The following CNGB3 variants were observed in gnomAD, a reference collection of about 807,000 sequenced individuals.
The protein encoded by CNGB3 is cyclic nucleotide-gated channel beta-3.
In CNGB3, 86 loss-of-function variants were observed where a neutral mutation model predicts 92.8. The observed-to-expected ratio is 0.93, with a 90% CI of 0.78 to 1.11. The LOEUF is 1.11. CNGB3 is among the 50% of genes least tolerant of loss of function. The probability of loss-of-function intolerance (pLI) is 0.00; values close to 1 mark genes in which losing one functional copy is unlikely to be tolerated. For missense variants in CNGB3, 1,026 were observed against 956.8 expected (o/e 1.07, Z -0.95); for synonymous variants, 333 against 332.7 (o/e 1.00, Z -0.01).
chr8:86,652,905 C>T (rs1823434181), intron 7 of CNGB3, among the ~76,000 whole-genome samples: 2 of 152,030 alleles, frequency 1.3e-5, no homozygotes, highest in African/African-American at 4.8e-5. Context: ...TTGTTTATTG[C>T]CATTATCCCC....
intron 8 of CNGB3, among the ~76,000 whole-genome samples, chr8:86,644,910 T>C (rs1823268218): frequency 6.6e-6 from 1 of 151,148 alleles, no homozygotes; most frequent in South Asian, 2.1e-4. Flanking sequence ...TGCTACCCTG[T>C]AGTTATAGTC....
intron 6 of CNGB3, chr8:86,660,462 T>G (rs1823616346): frequency 3.9e-6 from 2 of 514,674 alleles, no homozygotes; most frequent in Admixed American, 4.0e-5. Context: ...AGCCCATTGG[T>G]CAATGAGAAA....
rs373429796 is a variant in CNGB3, at chr8:86,661,832, A to G, written c.852+5093T>C. On this transcript the variant is annotated intron_variant, in intron 6 of 17. Transcript: ENST00000320005. Reference sequence around the variant, plus strand: ...GCTGACGAAGGTAATTGTTGTTCTCAGTATCTTCTGGACGTTCCAGAACTG... The same window carrying G: ...GCTGACGAAGGTAATTGTTGTTCTCGGTATCTTCTGGACGTTCCAGAACTG... 1.1e-3 allele frequency: 1,669 copies of G among 1,480,848 alleles called. 8 individuals are homozygous for G. Among genetic ancestry groups the G allele is most frequent in the South Asian group, 5.6e-3 (493 of 87,392 alleles). 91.7% of individuals were successfully genotyped at this position (1,480,848 alleles called of 1,614,324 possible). A position where few individuals can be genotyped will look rare whatever the true frequency, so the allele number is the denominator to read the frequency against.
intron 15 of CNGB3, among the ~76,000 whole-genome samples, chr8:86,581,552 T>C (rs1032362151): frequency 5.3e-5 from 8 of 152,184 alleles, no homozygotes; most frequent in African/African-American, 1.9e-4. Flanking sequence ...AAAAATACTT[T>C]ACCAGAGCTT....
intron 15 of CNGB3, chr8:86,594,217 G>T: frequency 3.8e-6 from 1 of 266,524 alleles, no homozygotes. Context: ...CCTTCCCTAG[G>T]TCATAGAAGC....
intron 15 of CNGB3, among the ~76,000 whole-genome samples, chr8:86,600,717 C>G (rs923532474): frequency 6.8e-6 from 1 of 146,268 alleles, no homozygotes; most frequent in Non-Finnish European, 1.5e-5. Context: ...TCATGCTATT[C>G]TCCTGCCTCA....
At chr8:86,705,013 C>G (rs1013259425) in intron 3 of CNGB3, among the ~76,000 whole-genome samples, 1 of 151,942 alleles carries the variant, frequency 6.6e-6, no homozygotes, top group South Asian at 2.1e-4. Flanking sequence ...CTGATTGGCA[C>G]GAAAAATTAG....
At chr8:86,623,106 A>C (rs1278275986) in intron 13 of CNGB3, among the ~76,000 whole-genome samples, 1 of 152,158 alleles carries the variant, frequency 6.6e-6, no homozygotes, top group Non-Finnish European at 1.5e-5. Flanking sequence ...TGTCTGGATT[A>C]CATTTTTTCT....
intron 12 of CNGB3, among the ~76,000 whole-genome samples, chr8:86,627,645 T>G (rs1462311996): frequency 6.6e-6 from 1 of 152,214 alleles, no homozygotes; most frequent in African/African-American, 2.4e-5. Flanking sequence ...TAGCAGTGCA[T>G]TATCTTCGAC....
Position 86,656,720 on chromosome 8 carries a change from C to T in CNGB3, c.853-2658G>A, listed in dbSNP as rs1010811052. The stretch of plus-strand genomic sequence containing the variant: ...TTAGTATTTACCTCTTCTTTCTGCT[C>T]CCACCCCCCCAACCAAAATGGCTAA... On this transcript the variant is annotated intron_variant, in intron 6 of 17. Transcript: ENST00000320005. 3.3e-5 allele frequency among the ~76,000 whole-genome samples: 5 copies of T among 152,008 alleles called. No homozygotes were observed. The East Asian group carries it at 5.8e-4, about 18-fold the overall frequency.
intron 6 of CNGB3, chr8:86,660,500 G>A (rs1045618697): frequency 3.8e-6 from 2 of 529,652 alleles, no homozygotes; most frequent in Non-Finnish European, 3.9e-6. Context: ...GCATGGCCAG[G>A]TGGCAGCATG....
chr8:86,732,113 G>T (rs779786426), intron 2 of CNGB3, among the ~76,000 whole-genome samples: 2 of 152,156 alleles, frequency 1.3e-5, no homozygotes, highest in Non-Finnish European at 2.9e-5. Context: ...ATTGGTTAGG[G>T]TCTCTTAAAT....
chr8:86,597,670 T>C (rs1259708196), intron 15 of CNGB3, among the ~76,000 whole-genome samples: 1 of 152,032 alleles, frequency 6.6e-6, no homozygotes, highest in Non-Finnish European at 1.5e-5. Context: ...GGGAAGACAA[T>C]GGGTGTCTGG....
At position 86,689,328 on chromosome 8, in the gene CNGB3, T is replaced by C. The variant is rs532487151; in HGVS notation, c.339-18230A>G. On this transcript the variant is annotated intron_variant, in intron 3 of 17. Coordinates refer to ENST00000320005, the MANE Select transcript of CNGB3 (RefSeq NM_019098.5). ...TAGTGCAGATTAAGTCCAATGTTTC[T>C]TTGTTGATTTTCTGTCTGGAAGATA... Among the ~76,000 whole-genome samples the C allele has an allele frequency of 3.3e-5, 5 of 152,020 alleles. No homozygotes were observed. The South Asian group carries it at 8.3e-4, about 25-fold the overall frequency.
chr8:86,593,875 G>T, intron 15 of CNGB3: 1 of 693,826 alleles, frequency 1.4e-6, no homozygotes, highest in Non-Finnish European at 2.5e-6. Context: ...GCATAGCCAG[G>T]TCCTGCTTGC....
At chr8:86,587,915 A>C (rs1205892605) in intron 15 of CNGB3, among the ~76,000 whole-genome samples, 3 of 152,034 alleles carry the variant, frequency 2.0e-5, no homozygotes, top group African/African-American at 7.3e-5. Flanking sequence ...TTGAATCTGT[A>C]AATTACCTTG....
At chr8:86,577,215 G>A (rs1309962377) in intron 17 of CNGB3, among the ~76,000 whole-genome samples, 1 of 152,178 alleles carries the variant, frequency 6.6e-6, no homozygotes, top group Non-Finnish European at 1.5e-5. Flanking sequence ...AGGCCTGTAA[G>A]TCTGAACACC....
chr8:86,590,433 C>G (rs4506238), intron 15 of CNGB3, among the ~76,000 whole-genome samples: 131,489 of 151,514 alleles, frequency 0.87, 57,235 homozygotes, highest in Non-Finnish European at 0.9. Flanking sequence ...TCTTCCTAGT[C>G]TCGATGGTCT....
intron 4 of CNGB3, 116 bp downstream of exon 4, chr8:86,670,828 G>T: frequency 9.1e-7 from 1 of 1,103,830 alleles, no homozygotes; most frequent in Non-Finnish European, 1.4e-6. Flanking sequence ...AAAATAAACT[G>T]TACGTAAATC....
Sources: gnomAD v4.1 joint callset for allele counts (sites outside exome capture counted in the v4.1 genomes callset) on GRCh38, gnomAD v4.1.1 for gene constraint, MANE v1.5 for transcripts, NCBI Gene and HGNC (gene_info 2026-07-23, HGNC 2026-07-21) for gene names.